The following ADGRL2 variants were observed in gnomAD, a reference collection of about 807,000 sequenced individuals.
The protein encoded by ADGRL2 is adhesion G protein-coupled receptor L2.
ADGRL2 carries 44 observed loss-of-function variants against 157.4 expected under a neutral mutation model. That is an observed-to-expected ratio of 0.28 (90% CI 0.22 to 0.36). The LOEUF (loss-of-function observed/expected upper bound fraction) is 0.36. ADGRL2 is among the 10% of genes least tolerant of loss of function. ADGRL2 has a pLI of 1.00. For missense variants in ADGRL2, 1,510 were observed against 1,768.9 expected (o/e 0.85, Z 2.63); for synonymous variants, 585 against 624.7 (o/e 0.94, Z 0.95).
At chr1:81,741,730 G>A (rs1329294370) in intron 1 of ADGRL2, among the ~76,000 whole-genome samples, 1 of 151,878 alleles carries the variant, frequency 6.6e-6, no homozygotes, top group African/African-American at 2.4e-5. Context: ...TATCAGTGTG[G>A]TGATTATTTG....
At chr1:81,408,501 C>T (rs890372529) in intron 1 of ADGRL2, among the ~76,000 whole-genome samples, 7 of 128,230 alleles carry the variant, frequency 5.5e-5, no homozygotes, top group African/African-American at 8.4e-5. Context: ...GCGTACAAAC[C>T]ACATTAATTA....
At chr1:81,330,690 A>C (rs764525137) in intron 1 of ADGRL2, among the ~76,000 whole-genome samples, 3 of 152,160 alleles carry the variant, frequency 2.0e-5, no homozygotes, top group Non-Finnish European at 4.4e-5. Context: ...ATACTTAATC[A>C]CCATTACTAC....
At chr1:81,874,111 T>C (rs928179691) in intron 2 of ADGRL2, among the ~76,000 whole-genome samples, 1 of 152,164 alleles carries the variant, frequency 6.6e-6, no homozygotes. Flanking sequence ...TTTGGTTGGG[T>C]AGCTACTCCA....
intron 1 of ADGRL2, among the ~76,000 whole-genome samples, chr1:81,357,735 A>G (rs558061554): frequency 6.6e-6 from 1 of 152,156 alleles, no homozygotes; most frequent in Non-Finnish European, 1.5e-5. Context: ...GTAGGAAGTT[A>G]ATACATTGCC....
upstream of ADGRL2, among the ~76,000 whole-genome samples, chr1:81,799,884 G>A (rs1248482134): frequency 4.0e-4 from 2 of 5,018 alleles, no homozygotes; most frequent in African/African-American, 9.2e-4. Context: ...CAGAAATTTT[G>A]CAATAAAAAA....
chr1:81,390,523 G>A (rs1481212730), intron 1 of ADGRL2, among the ~76,000 whole-genome samples: 10 of 151,808 alleles, frequency 6.6e-5, no homozygotes, highest in Non-Finnish European at 1.3e-4. Flanking sequence ...GCTTATGACA[G>A]GAAAGCTCAA....
At position 81,984,253 on chromosome 1, in the gene ADGRL2, G is replaced by A. The variant is rs147054954; in HGVS notation, c.3283-330G>A. ...TCCTGTTTTCTTAGCATAAAAAATT[G>A]GAGTTACTAAATATATGAGAATAAA... On this transcript the variant is annotated intron_variant, in intron 19 of 23. Transcript: ENST00000686636. 3.6e-3 allele frequency: 586 copies of A among 161,186 alleles called. 4 individuals carry two copies. Among genetic ancestry groups the A allele is most frequent in the African/African-American group, 0.013 (526 of 41,924 alleles). The allele number at this position is 161,186 out of a possible 1,614,324, so 10.0% of individuals were successfully genotyped here. A position where few individuals can be genotyped will look rare whatever the true frequency, so the allele number is the denominator to read the frequency against.
chr1:81,622,722 T>G (rs2081824021), intron 3 of ADGRL2, among the ~76,000 whole-genome samples: 1 of 152,204 alleles, frequency 6.6e-6, no homozygotes. Context: ...GCCACCGTAC[T>G]CCAACCTGGG....
At chr1:81,596,209 G>A (rs2081230154) in intron 3 of ADGRL2, 2 of 570,528 alleles carry the variant, frequency 3.5e-6, no homozygotes, top group Non-Finnish European at 3.4e-6. Context: ...GAAGTCATCT[G>A]CTTAACAATC....
intron 2 of ADGRL2, among the ~76,000 whole-genome samples, chr1:81,467,871 A>AAC (rs10655627): frequency 1.3e-5 from 2 of 151,970 alleles, no homozygotes; most frequent in South Asian, 2.1e-4. Flanking sequence ...TAAAAATGTT[A>AAC]TGAAGTATAA....
At chr1:81,557,981 C>T (rs1030862586) in intron 2 of ADGRL2, 1 of 152,240 alleles carries the variant, frequency 6.6e-6, no homozygotes, top group Non-Finnish European at 1.5e-5. Flanking sequence ...TTTTGCCCTA[C>T]ATAATATTTA....
chr1:81,538,447 G>C (rs1359727796), intron 2 of ADGRL2, among the ~76,000 whole-genome samples: 1 of 152,130 alleles, frequency 6.6e-6, no homozygotes, highest in East Asian at 1.9e-4. Context: ...AAAAAGGAAA[G>C]GAAATGCATG....
intron 1 of ADGRL2, among the ~76,000 whole-genome samples, chr1:81,405,249 C>T (rs1211758355): frequency 2.6e-5 from 4 of 152,170 alleles, no homozygotes; most frequent in Non-Finnish European, 4.4e-5. Context: ...CCTTATTCAA[C>T]ATCACACACA....
chr1:81,973,690 T>C (rs1386934314), intron 17 of ADGRL2, among the ~76,000 whole-genome samples: 2 of 152,232 alleles, frequency 1.3e-5, no homozygotes, highest in Admixed American at 6.5e-5. Context: ...AGTCTTGTCA[T>C]TATTGTCCTC....
At chr1:81,756,858 T>A (rs1027168916) in intron 1 of ADGRL2, among the ~76,000 whole-genome samples, 1 of 152,194 alleles carries the variant, frequency 6.6e-6, no homozygotes, top group Non-Finnish European at 1.5e-5. Context: ...TTGAAGACAC[T>A]CTTTGATCTA....
intron 1 of ADGRL2, among the ~76,000 whole-genome samples, chr1:81,737,510 G>A (rs951526639): frequency 6.6e-6 from 1 of 152,100 alleles, no homozygotes; most frequent in African/African-American, 2.4e-5. Flanking sequence ...CCAACACTGG[G>A]GATTACAATT....
rs541794981 is a variant in ADGRL2, at chr1:81,524,901, T to C, written c.-247-55975T>C. Among the ~76,000 whole-genome samples, 13 of 152,034 alleles carry C rather than the reference T, an allele frequency of 8.6e-5. No homozygotes were observed. In the South Asian group the frequency reaches 2.7e-3, roughly 32 times the overall value. On this transcript the variant is annotated intron_variant, in intron 2 of 24. Transcript: ENST00000370721. The stretch of plus-strand genomic sequence containing the variant: ...GCCTGGGCGACAGTGAGAACTTGTC[T>C]CTTAAAAAAAAATAAAAATAGGATG...
chr1:81,961,155 A>C (rs893367633), intron 11 of ADGRL2, among the ~76,000 whole-genome samples: 1 of 152,228 alleles, frequency 6.6e-6, no homozygotes, highest in Non-Finnish European at 1.5e-5. Flanking sequence ...ATGGCTCTCC[A>C]GTGAACCAAG....
At chr1:81,562,291 G>A (rs6674509) in intron 2 of ADGRL2, among the ~76,000 whole-genome samples, 37,093 of 151,978 alleles carry the variant, frequency 0.24, 6,749 homozygotes, top group African/African-American at 0.5. Context: ...AAGGTGATTT[G>A]ATTAAAAACA....
Sources: allele counts gnomAD v4.1 joint callset (sites outside exome capture counted in the v4.1 genomes callset), GRCh38; gene constraint gnomAD v4.1.1; transcripts MANE v1.5; gene names NCBI Gene and HGNC (gene_info 2026-07-23, HGNC 2026-07-21).